The following SLC8A1 variants were observed in gnomAD, a reference collection of about 807,000 sequenced individuals.
The protein encoded by SLC8A1 is sodium/calcium exchanger 1.
SLC8A1 carries 18 observed loss-of-function variants against 68.3 expected under a neutral mutation model. The observed-to-expected ratio is 0.26, with a 90% CI of 0.18 to 0.39. SLC8A1 has a LOEUF of 0.39. SLC8A1 is among the 10% of genes least tolerant of loss of function. SLC8A1 has a pLI of 1.00. For missense variants in SLC8A1, 985 were observed against 1,156.7 expected (o/e 0.85, Z 2.15); for synonymous variants, 475 against 415.5 (o/e 1.14, Z -1.74).
intron 2 of SLC8A1, among the ~76,000 whole-genome samples, chr2:40,331,317 ACTTCATTTT>A (rs2076383594): frequency 1.3e-5 from 2 of 152,230 alleles, no homozygotes; most frequent in South Asian, 4.1e-4. Flanking sequence ...AATGCTTTTA[ACTTCATTTT>A]CTACAGAATA....
intron 2 of SLC8A1, among the ~76,000 whole-genome samples, chr2:40,396,748 T>TAAAAAAAAAAAAAAAAAAA (rs368483768): frequency 4.6e-5 from 4 of 87,084 alleles, no homozygotes; most frequent in African/African-American, 1.2e-4. Flanking sequence ...CTCTAATAAC[T>TAAAAAAAAAAAAAAAAAAA]AAAAAAAAAA....
rs2057317507 is a variant in SLC8A1 at position 40,215,466 on chromosome 2, T to C, written c.1809-37611A>G. Among the ~76,000 whole-genome samples, 3 of 151,588 alleles carry C rather than the reference T, an allele frequency of 2.0e-5. No homozygotes were observed. The South Asian group carries it at 6.3e-4, about 32-fold the overall frequency. ...TCCTGGCTAACAAGGTGAAACCCCGTCTCTACTAAAAATACAAAAAATTAG... is the reference window on the plus strand; with the variant it reads ...TCCTGGCTAACAAGGTGAAACCCCGCCTCTACTAAAAATACAAAAAATTAG... On this transcript the variant is annotated intron_variant, in intron 2 of 7. Coordinates refer to ENST00000406785, the Ensembl canonical transcript of SLC8A1.
intron 2 of SLC8A1, among the ~76,000 whole-genome samples, chr2:40,216,813 T>G (rs2057563871): frequency 6.6e-6 from 1 of 152,226 alleles, no homozygotes; most frequent in African/African-American, 2.4e-5. Flanking sequence ...TTAGGAAGTG[T>G]CTGTTCAGAT....
At chr2:40,495,113 A>G (rs935481295) in intron 1 of SLC8A1, among the ~76,000 whole-genome samples, 1 of 152,154 alleles carries the variant, frequency 6.6e-6, no homozygotes. Flanking sequence ...CATAAGCCCT[A>G]CAGGTAAATA....
chr2:40,123,662 C>T (rs2037423536), intron 7 of SLC8A1, among the ~76,000 whole-genome samples: 1 of 152,106 alleles, frequency 6.6e-6, no homozygotes, highest in African/African-American at 2.4e-5. Flanking sequence ...CAGTTTTAAG[C>T]CATGATTCTG....
intron 2 of SLC8A1, among the ~76,000 whole-genome samples, chr2:40,324,323 G>A (rs2075565375): frequency 6.6e-6 from 1 of 152,092 alleles, no homozygotes; most frequent in South Asian, 2.1e-4. Flanking sequence ...GTCAAGGAGT[G>A]GGAATTATAC....
intron 1 of SLC8A1, chr2:40,446,590 G>A (rs917301284): frequency 5.9e-5 from 9 of 152,352 alleles, no homozygotes; most frequent in Admixed American, 3.9e-4. Context: ...AGTTGCAGTG[G>A]AGTGATCTTT....
chr2:40,353,380 T>C (rs570419670), intron 2 of SLC8A1, among the ~76,000 whole-genome samples: 3 of 152,102 alleles, frequency 2.0e-5, no homozygotes, highest in African/African-American at 7.2e-5. Context: ...CTCAAAAACT[T>C]GGCCTCATCT....
chr2:40,413,078 C>A (rs971040230), intron 2 of SLC8A1, among the ~76,000 whole-genome samples: 2 of 152,000 alleles, frequency 1.3e-5, no homozygotes, highest in African/African-American at 4.8e-5. Flanking sequence ...GTTAGAATGG[C>A]GATCATTAAA....
chr2:40,275,530 A>C (rs961875131), intron 2 of SLC8A1, among the ~76,000 whole-genome samples: 1 of 152,228 alleles, frequency 6.6e-6, no homozygotes, highest in African/African-American at 2.4e-5. Flanking sequence ...TCACATTAGC[A>C]GGTTGTCCGG....
At chr2:40,337,259 A>G in intron 2 of SLC8A1, 1 of 305,504 alleles carries the variant, frequency 3.3e-6, no homozygotes, top group South Asian at 2.6e-5. Context: ...TTATACATCA[A>G]ATGTAGTATT....
chr2:40,150,905 T>A (rs1445759789), intron 6 of SLC8A1, among the ~76,000 whole-genome samples: 2 of 152,182 alleles, frequency 1.3e-5, no homozygotes, highest in Non-Finnish European at 1.5e-5. Context: ...TACTGCTGCA[T>A]TTTTAGATCG....
chr2:40,410,461 G>A (rs1047303837), intron 2 of SLC8A1, among the ~76,000 whole-genome samples: 6 of 152,006 alleles, frequency 3.9e-5, no homozygotes, highest in African/African-American at 1.4e-4. Flanking sequence ...CTACAGGAAA[G>A]AAGAAAACTT....
intron 2 of SLC8A1, among the ~76,000 whole-genome samples, chr2:40,305,022 C>T (rs777043544): frequency 1.3e-5 from 2 of 152,198 alleles, no homozygotes; most frequent in Non-Finnish European, 2.9e-5. Flanking sequence ...GATTCTGACT[C>T]AGTAGGTCTG....
At chr2:40,375,069 T>G (rs1045459196) in intron 2 of SLC8A1, among the ~76,000 whole-genome samples, 1 of 152,044 alleles carries the variant, frequency 6.6e-6, no homozygotes, top group Non-Finnish European at 1.5e-5. Context: ...AGAACAGCCC[T>G]GTCATTATGG....
At chr2:40,463,314 A>T (rs35372921) in intron 1 of SLC8A1, among the ~76,000 whole-genome samples, 1 of 151,964 alleles carries the variant, frequency 6.6e-6, no homozygotes. Flanking sequence ...GTTCTAATGC[A>T]CGCAGCCAGT....
chr2:40,103,248 T>A (rs1327047329), exon 8 of SLC8A1: 1 of 152,204 alleles, frequency 6.6e-6, no homozygotes, highest in Non-Finnish European at 1.5e-5. Flanking sequence ...TTCTTTCTTC[T>A]TTTCTTCCAC....
At chr2:40,296,141 T>A (rs1466703094) in intron 2 of SLC8A1, among the ~76,000 whole-genome samples, 1 of 152,312 alleles carries the variant, frequency 6.6e-6, no homozygotes, top group African/African-American at 2.4e-5. Flanking sequence ...TTAATTCATT[T>A]AGTTGGATCT....
chr2:40,135,728 A>T (rs1256071922), intron 7 of SLC8A1, among the ~76,000 whole-genome samples: 1 of 152,156 alleles, frequency 6.6e-6, no homozygotes, highest in Admixed American at 6.5e-5. Flanking sequence ...AAAAAAACAT[A>T]AATACAATTA....
Sources: allele counts gnomAD v4.1 joint callset (sites outside exome capture counted in the v4.1 genomes callset), GRCh38; gene constraint gnomAD v4.1.1; transcripts MANE v1.5; gene names NCBI Gene and HGNC (gene_info 2026-07-23, HGNC 2026-07-21).